The following PTPN9 variants were observed in gnomAD, a reference collection of about 807,000 sequenced individuals.
PTPN9 encodes protein tyrosine phosphatase non-receptor type 9.
In PTPN9, 26 loss-of-function variants were observed where a neutral mutation model predicts 69.8. The observed-to-expected ratio is 0.37, with a 90% CI of 0.27 to 0.52. PTPN9 has a LOEUF of 0.52. Among genes scored for constraint, PTPN9 ranks in the 20% least tolerant of loss-of-function variants. The pLI is 0.91. For synonymous variants in PTPN9, 274 were observed against 272.5 expected, an observed-to-expected ratio of 1.01 and a Z score of -0.05; for missense variants, 549 against 740.3, an observed-to-expected ratio of 0.74 and a Z score of 3.00.
At position 75,467,074 on chromosome 15, in the gene PTPN9, G is replaced by A. The variant is rs2074539380; in HGVS notation, c.*1695C>T. 1 of 152,370 alleles carries A rather than the reference G, an allele frequency of 6.6e-6. No homozygotes were observed. Among genetic ancestry groups the A allele is most frequent in the East Asian group, 1.9e-4 (1 of 5,176 alleles). 9.4% of individuals were successfully genotyped at this position (152,370 alleles called of 1,614,324 possible). On this transcript the variant is annotated 3_prime_UTR_variant, in exon 13 of 13. Transcript: ENST00000618819. ...CTCATCCCTCCCAGACCAGCTCCTG[G>A]ACCCCCTCCCTCATGTCCCAGGCTG...
chr15:75,484,949 T>C (rs1326758319), intron 8 of PTPN9, among the ~76,000 whole-genome samples: 1 of 152,238 alleles, frequency 6.6e-6, no homozygotes, highest in East Asian at 1.9e-4. Flanking sequence ...ATCACTCTAC[T>C]ATTTATTTAG....
At chr15:75,558,905 T>C (rs1470121922) in intron 1 of PTPN9, among the ~76,000 whole-genome samples, 1 of 152,172 alleles carries the variant, frequency 6.6e-6, no homozygotes, top group Non-Finnish European at 1.5e-5. Context: ...GCCGCCTGCC[T>C]TGGCCTCCCA....
At chr15:75,576,561 G>C (rs959894390) in intron 1 of PTPN9, among the ~76,000 whole-genome samples, 2 of 151,428 alleles carry the variant, frequency 1.3e-5, no homozygotes, top group Admixed American at 1.3e-4. Context: ...TGTAATCCCA[G>C]CACTTTTGGA....
intron 1 of PTPN9, among the ~76,000 whole-genome samples, chr15:75,566,036 C>A (rs2141343313): frequency 6.6e-6 from 1 of 152,152 alleles, no homozygotes; most frequent in Admixed American, 6.6e-5. Context: ...TTTCCTGTAT[C>A]ACAGAGATCA....
At chr15:75,570,493 G>A (rs1305157402) in intron 1 of PTPN9, 2 of 152,206 alleles carry the variant, frequency 1.3e-5, no homozygotes, top group African/African-American at 4.8e-5. Context: ...AACCAGACTG[G>A]GCACAGTGGC....
At chr15:75,571,635 G>A (rs926119631) in intron 1 of PTPN9, among the ~76,000 whole-genome samples, 15 of 152,004 alleles carry the variant, frequency 9.9e-5, no homozygotes, top group Non-Finnish European at 2.1e-4. Flanking sequence ...GGTGGCTCAC[G>A]CTTGTAATCC....
At chr15:75,514,169 CTT>C (rs923109510) in intron 5 of PTPN9, among the ~76,000 whole-genome samples, 1 of 141,860 alleles carries the variant, frequency 7.0e-6, no homozygotes, top group Non-Finnish European at 1.5e-5. Context: ...TACAATTCCT[CTT>C]TTTTTTTTTT....
intron 8 of PTPN9, 145 bp from the exon 9 acceptor site, chr15:75,480,059 C>A (rs1409608334): frequency 1.8e-6 from 1 of 562,060 alleles, no homozygotes; most frequent in African/African-American, 1.9e-5. Context: ...CCAGCTCAAA[C>A]CCTCACTTCA....
chr15:75,505,902 ATTCCAAGTGGCGAGATCAATTT>A lies in PTPN9; in HGVS notation c.719_740del (p.Lys240IlefsTer8). On this transcript the variant is annotated frameshift_variant, in exon 7 of 13. Coordinates refer to ENST00000618819, the MANE Select transcript of PTPN9 (RefSeq NM_002833.4). LOFTEE classifies it high-confidence loss of function. ...CGTTCACCTGGGGTAGGAACTGGAA[ATTCCAAGTGGCGAGATCAATTT>A]TGACGTACCCACCCAGGTTTTCTGG... 1 of 1,614,008 alleles carries A rather than the reference ATTCCAAGTGGCGAGATCAATTT, an allele frequency of 6.2e-7. No homozygotes were observed. The highest frequency in any genetic ancestry group is 8.5e-7 in the Non-Finnish European group (1 of 1,179,972).
At chr15:75,545,401 T>C (rs1397272638) in intron 1 of PTPN9, among the ~76,000 whole-genome samples, 1 of 151,052 alleles carries the variant, frequency 6.6e-6, no homozygotes, top group African/African-American at 2.4e-5. Context: ...GACCCCCCCA[T>C]CTCTAGAAAA....
At chr15:75,482,775 A>T (rs2074649480) in intron 8 of PTPN9, among the ~76,000 whole-genome samples, 1 of 149,506 alleles carries the variant, frequency 6.7e-6, no homozygotes, top group Non-Finnish European at 1.5e-5. Context: ...AATTATCAAT[A>T]AAAAAATAAA....
chr15:75,528,995 G>A lies in PTPN9; in HGVS notation c.64-1734C>T, dbSNP rs576369991. Among the ~76,000 whole-genome samples the A allele has an allele frequency of 4.6e-5, 7 of 150,582 alleles. No individual in the cohort carries two copies. The South Asian group carries it at 1.5e-3, about 32-fold the overall frequency. On this transcript the variant is annotated intron_variant, in intron 1 of 12. Transcript: ENST00000618819. ...GGGATTGCATCTGTGAGCTAAATTG[G>A]AATTTTTTTTTTAGATAGTCTCACT...
At chr15:75,482,426 G>A (rs1289451203) in intron 8 of PTPN9, among the ~76,000 whole-genome samples, 4 of 152,188 alleles carry the variant, frequency 2.6e-5, no homozygotes, top group South Asian at 2.1e-4. Flanking sequence ...TTAGCCGGGC[G>A]TGGTGGCGGG....
intron 8 of PTPN9, among the ~76,000 whole-genome samples, chr15:75,484,469 T>C (rs2074661893): frequency 6.6e-6 from 1 of 152,230 alleles, no homozygotes; most frequent in Non-Finnish European, 1.5e-5. Context: ...CAAAGGCATC[T>C]CAATGAACAG....
chr15:75,549,683 A>T (rs1487066403), intron 1 of PTPN9, among the ~76,000 whole-genome samples: 1 of 152,176 alleles, frequency 6.6e-6, no homozygotes, highest in Non-Finnish European at 1.5e-5. Flanking sequence ...AAGGCTTGTT[A>T]ATAAAGCTAA....
chr15:75,564,958 T>TG (rs1266053020), intron 1 of PTPN9, among the ~76,000 whole-genome samples: 1 of 150,792 alleles, frequency 6.6e-6, no homozygotes, highest in African/African-American at 2.4e-5. Flanking sequence ...AAAAATTAGC[T>TG]GGCGTGGTGG....
At chr15:75,482,414 G>T (rs866536936) in intron 8 of PTPN9, among the ~76,000 whole-genome samples, 1 of 133,852 alleles carries the variant, frequency 7.5e-6, no homozygotes, top group Non-Finnish European at 1.6e-5. Flanking sequence ...AAATACAAAA[G>T]ATTAGCCGGG....
chr15:75,499,461 G>A (rs1251811964), intron 7 of PTPN9, among the ~76,000 whole-genome samples: 3 of 143,776 alleles, frequency 2.1e-5, no homozygotes, highest in Admixed American at 1.4e-4. Context: ...GCTGGAGTGC[G>A]GTGGCATGAT....
At chr15:75,572,448 G>A (rs1243933605) in intron 1 of PTPN9, among the ~76,000 whole-genome samples, 2 of 152,162 alleles carry the variant, frequency 1.3e-5, no homozygotes, top group Non-Finnish European at 2.9e-5. Flanking sequence ...GGTGGCTCAT[G>A]CCTGTAATCC....
Sources: allele counts gnomAD v4.1 joint callset (sites outside exome capture counted in the v4.1 genomes callset), GRCh38; gene constraint gnomAD v4.1.1; transcripts MANE v1.5; gene names NCBI Gene and HGNC (gene_info 2026-07-23, HGNC 2026-07-21).